Variants in SLC23A2 observed in about 807,000 individuals in gnomAD.
SLC23A2 encodes the protein solute carrier family 23 member 2.
SLC23A2 carries 36 observed loss-of-function variants against 73.3 expected under a neutral mutation model. The ratio of observed to expected loss-of-function variants is 0.49; its 90% CI spans 0.38 to 0.65. The LOEUF is 0.65. Among genes scored for constraint, SLC23A2 ranks in the 30% least tolerant of loss-of-function variants. SLC23A2 has a pLI of 0.00. For missense variants in SLC23A2, 507 were observed against 841.6 expected (o/e 0.60, Z 4.92); for synonymous variants, 343 against 327.3 (o/e 1.05, Z -0.52).
chr20:4,891,607 T>C (rs774307979), intron 6 of SLC23A2, among the ~76,000 whole-genome samples: 47 of 152,202 alleles, frequency 3.1e-4, no homozygotes, highest in Non-Finnish European at 2.1e-4. Flanking sequence ...CAGGTCTGCG[T>C]TGCTACACAA....
intron 9 of SLC23A2, among the ~76,000 whole-genome samples, 182 bp from the exon 10 acceptor site, chr20:4,874,878 A>C (rs1930594013): frequency 6.6e-6 from 1 of 152,200 alleles, no homozygotes; most frequent in South Asian, 2.1e-4. Context: ...TTTTGGAAAT[A>C]CTACTGTGGG....
chr20:4,858,168 A>G (rs961487581), intron 16 of SLC23A2, among the ~76,000 whole-genome samples: 2 of 152,076 alleles, frequency 1.3e-5, no homozygotes, highest in Non-Finnish European at 1.5e-5. Flanking sequence ...GTCTGGTGCT[A>G]TGGGGGACAC....
chr20:4,991,267 C>T (rs1265838961), intron 1 of SLC23A2, among the ~76,000 whole-genome samples: 2 of 151,978 alleles, frequency 1.3e-5, no homozygotes, highest in African/African-American at 2.4e-5. Flanking sequence ...CACACCACCA[C>T]GCCAGGCCAC....
rs1188189739 is a variant in SLC23A2 at position 4,857,419 on chromosome 20, C to A, written c.1721-215G>T. Among the ~76,000 whole-genome samples the A allele has an allele frequency of 6.6e-6, 1 of 151,798 alleles. No homozygotes were observed. Among genetic ancestry groups the A allele is most frequent in the African/African-American group, 2.4e-5 (1 of 41,318 alleles). Reference sequence around the variant, plus strand: ...GTGCTCAGCTATCCAGTGCCCAAACCAGAAGTCTAAGAAGCACTAACCCCT... The same window carrying A: ...GTGCTCAGCTATCCAGTGCCCAAACAAGAAGTCTAAGAAGCACTAACCCCT... On this transcript the variant is annotated intron_variant, in intron 16 of 16. Coordinates refer to ENST00000338244, the MANE Select transcript of SLC23A2 (RefSeq NM_005116.6). This position sits in a 1 kb window ranked among gnomAD's most constrained non-coding sequence, Gnocchi z 4.0.
upstream of SLC23A2, among the ~76,000 whole-genome samples, chr20:5,003,101 C>A (rs1317060696): frequency 2.6e-5 from 4 of 152,232 alleles, no homozygotes; most frequent in East Asian, 3.9e-4. Flanking sequence ...AACAAAGATG[C>A]GGCCGGGCGC....
intron 13 of SLC23A2, among the ~76,000 whole-genome samples, chr20:4,867,057 T>TAAAAAAAAAAAAAAAA (rs71197732): frequency 1.3e-5 from 1 of 76,504 alleles, no homozygotes; most frequent in Non-Finnish European, 2.3e-5. Flanking sequence ...AAGCGATCCC[T>TAAAAAAAAAAAAAAAA]AAAAAAAAAA....
chr20:4,874,758 C>T (rs1930589093), intron 9 of SLC23A2, 62 bp from the exon 10 acceptor site: 3 of 1,393,824 alleles, frequency 2.2e-6, no homozygotes, highest in African/African-American at 2.9e-5. Context: ...TAAAATAACA[C>T]TCGAAGCTTC....
upstream of SLC23A2, among the ~76,000 whole-genome samples, chr20:5,002,599 A>C (rs963955463): frequency 6.6e-6 from 1 of 152,254 alleles, no homozygotes; most frequent in Admixed American, 6.5e-5. Context: ...AGTTTTGGAA[A>C]GTGACATCAC....
At chr20:4,939,818 G>A (rs774556387) in intron 2 of SLC23A2, among the ~76,000 whole-genome samples, 2 of 152,116 alleles carry the variant, frequency 1.3e-5, no homozygotes, top group Non-Finnish European at 2.9e-5. Context: ...ATAAAAATAT[G>A]TGTGACCTTT....
chr20:4,931,864 C>G (rs117632586), intron 3 of SLC23A2, among the ~76,000 whole-genome samples: 2 of 152,332 alleles, frequency 1.3e-5, no homozygotes, highest in East Asian at 3.9e-4. Flanking sequence ...TGAGGCAAGA[C>G]CTCTCTAAAG....
At chr20:4,917,343 A>G (rs747633828) in intron 3 of SLC23A2, among the ~76,000 whole-genome samples, 16 of 152,102 alleles carry the variant, frequency 1.1e-4, no homozygotes, top group Non-Finnish European at 1.9e-4. Flanking sequence ...TTCAGGAGAG[A>G]GCAATGATGT....
chr20:4,887,132 C>T (rs767973031), intron 6 of SLC23A2, among the ~76,000 whole-genome samples: 7 of 152,192 alleles, frequency 4.6e-5, no homozygotes, highest in Non-Finnish European at 1.0e-4. Flanking sequence ...CTACACCATA[C>T]AAACCAGATG....
intron 2 of SLC23A2, among the ~76,000 whole-genome samples, chr20:4,935,547 C>T (rs1241354633): frequency 6.6e-6 from 1 of 152,120 alleles, no homozygotes; most frequent in Non-Finnish European, 1.5e-5. Flanking sequence ...GCCTGTAATC[C>T]CAGCACTTTG....
chr20:4,861,815 A>T (rs1929976591), intron 15 of SLC23A2, 133 bp downstream of exon 15: 9 of 875,656 alleles, frequency 1.0e-5, no homozygotes, highest in Non-Finnish European at 1.6e-5. Flanking sequence ...GTGAGATTCA[A>T]GAGAGATCCA....
rs1929742457 is a variant in SLC23A2 at position 4,857,108 on chromosome 20, C to G, written c.1817G>C (p.Gly606Ala). ...TCTGTATTTTTTTATAATGTTCATG[C>G]CAAATGGCAAATTGTACGACTCCAT... The part of the protein sequence containing the change: ...DGMESYNLPF[G>A]MNIIKKYRCF... The change falls in exon 17 of 17, where the codon GGC becomes GCC. Residue 606 changes from glycine (G) to alanine (A), a missense_variant. Gly to Ala is a moderately conservative substitution (Grantham distance 60). This residue lies in a region of SLC23A2 where 168 missense variants were observed against 302.3 expected (regional missense o/e 0.56). Transcript: ENST00000338244. This position sits in a 1 kb window ranked among gnomAD's most constrained non-coding sequence, Gnocchi z 4.0. 6.2e-7 allele frequency: 1 copy of G among 1,613,898 alleles called. No homozygotes were observed. The highest frequency in any genetic ancestry group is 8.5e-7 in the Non-Finnish European group (1 of 1,179,902).
intron 15 of SLC23A2, among the ~76,000 whole-genome samples, chr20:4,859,801 A>G (rs1165664259): frequency 6.6e-6 from 1 of 152,246 alleles, no homozygotes; most frequent in Non-Finnish European, 1.5e-5. Flanking sequence ...GTCATAGAAG[A>G]CTTTTCAGTA....
chr20:4,937,260 T>C (rs951812073), intron 2 of SLC23A2, among the ~76,000 whole-genome samples: 2 of 152,130 alleles, frequency 1.3e-5, no homozygotes, highest in African/African-American at 4.8e-5. Flanking sequence ...AACTTCTGTA[T>C]TAAAACAAGA....
rs1929601153 is a variant in SLC23A2 at position 4,853,505 on chromosome 20, C to T, written c.*3467G>A. 6.6e-6 allele frequency: 1 copy of T among 152,616 alleles called. No individual in the cohort carries two copies. Among genetic ancestry groups the T allele is most frequent in the Non-Finnish European group, 1.5e-5 (1 of 68,040 alleles). The allele number at this position is 152,616 out of a possible 1,614,324, so 9.5% of individuals were successfully genotyped here. On this transcript the variant is annotated 3_prime_UTR_variant, in exon 17 of 17. Transcript: ENST00000338244. ...TATACGTATGGGTAAATAAAGTATA[C>T]ACACATACTAGAGATTCATCAATGG...
rs72552228 is a variant in SLC23A2, at chr20:4,912,868, C to T, written c.207+12G>A. On this transcript the variant is annotated intron_variant, in intron 4 of 16. Coordinates refer to ENST00000338244, the MANE Select transcript of SLC23A2 (RefSeq NM_005116.6). ...CGGTGGGAGTGGGGACACGGGGTGA[C>T]GGAAGGGGTACCTTTTCTGCAATGC... The T allele has an allele frequency of 1.5e-4, 229 of 1,567,252 alleles. 1 individual carries two copies. The East Asian group carries it at 3.0e-3, about 21-fold the overall frequency.
Sources: gnomAD v4.1 joint callset for allele counts (sites outside exome capture counted in the v4.1 genomes callset) on GRCh38, gnomAD v4.1.1 for gene constraint, gnomAD v4.1.1 regional missense constraint, Gnocchi (gnomAD v3.1) non-coding constraint, MANE v1.5 for transcripts, NCBI Gene and HGNC (gene_info 2026-07-23, HGNC 2026-07-21) for gene names.